STUB1: variants seen among roughly 807,000 people sequenced by gnomAD.
STUB1 encodes the protein STIP1 homology and U-box containing protein 1, also known as E3 ubiquitin-protein ligase CHIP.
STUB1 carries 37 observed loss-of-function variants against 40.3 expected under a neutral mutation model. That is an observed-to-expected ratio of 0.92 (90% CI 0.71 to 1.21). The LOEUF (loss-of-function observed/expected upper bound fraction) is 1.21. Ranked by LOEUF, STUB1 falls within the 50% of genes most tolerant of loss-of-function variation. The pLI, the probability that STUB1 is intolerant of heterozygous loss-of-function variation, is 0.00. For missense variants in STUB1, 460 were observed against 421.9 expected (o/e 1.09, Z -0.79); for synonymous variants, 246 against 171.9 (o/e 1.43, Z -3.37).
At position 682,453 on chromosome 16, in the gene STUB1, A is replaced by T. The variant is rs2039707561; in HGVS notation, c.876A>T (p.Ala292=). Residue 292 remains alanine (A), a synonymous_variant, in exon 7 of 7, where the codon GCA becomes GCT. Coordinates refer to ENST00000219548, the MANE Select transcript of STUB1 (RefSeq NM_005861.4). ...PNLAMKEVID[A]FISENGWVED... is the part of the protein sequence containing the mutation. ...TGGCTATGAAGGAGGTTATTGACGC[A>T]TTCATCTCTGAGAATGGCTGGGTGG... The T allele has an allele frequency of 1.2e-6, 2 of 1,613,368 alleles. No homozygotes were observed. Among genetic ancestry groups the T allele is most frequent in the African/African-American group, 1.3e-5 (1 of 74,928 alleles).
At position 680,600 on chromosome 16, in the gene STUB1, C is replaced by G; in HGVS notation, c.75C>G (p.Ser25Arg). ...GCGGAAGCCCCGAGAAGAGCCCGAG[C>G]GCGCAGGAGCTCAAGGAGCAGGGCA... The part of the protein sequence containing the change: ...AGGGSPEKSP[S>R]AQELKEQGNR... The change falls in exon 1 of 7, where the codon AGC becomes AGG. Residue 25 changes from serine to arginine, a missense_variant. Ser to Arg is a moderately radical substitution (Grantham distance 110). Transcript: ENST00000219548. The surrounding 1 kb of genome is among the most constrained non-coding windows in gnomAD (Gnocchi z 4.9). 1 of 1,407,308 alleles carries G rather than the reference C, an allele frequency of 7.1e-7. No homozygotes were observed. Among genetic ancestry groups the G allele is most frequent in the Non-Finnish European group, 9.3e-7 (1 of 1,070,634 alleles). The allele number at this position is 1,407,308 out of a possible 1,614,324, so 87.2% of individuals were successfully genotyped here. A position where few individuals can be genotyped will look rare whatever the true frequency, so the allele number is the denominator to read the frequency against.
In STUB1 at chr16:680,432, G is replaced by C; in HGVS notation, c.-94G>C. On this transcript the variant is annotated 5_prime_UTR_variant, in exon 1 of 7. Transcript: ENST00000219548. This position sits in a 1 kb window ranked among gnomAD's most constrained non-coding sequence, Gnocchi z 4.9. ...GGCGGAGCTGGGCCGGGCCCGAGCG[G>C]ATCGCGGGCTCGGGCTGCGGGGCTC... The C allele has an allele frequency of 9.1e-7, 1 of 1,096,032 alleles. No homozygotes were observed. The highest frequency in any genetic ancestry group is 1.1e-6 in the Non-Finnish European group (1 of 889,828). The allele number at this position is 1,096,032 out of a possible 1,614,324, so 67.9% of individuals were successfully genotyped here. A position where few individuals can be genotyped will look rare whatever the true frequency, so the allele number is the denominator to read the frequency against.
intron 4 of STUB1, 58 bp from the exon 5 acceptor site, chr16:681,962 C>A (rs776259491): frequency 5.0e-6 from 8 of 1,612,106 alleles, no homozygotes; most frequent in Non-Finnish European, 5.9e-6. Flanking sequence ...TGGGTCTGTG[C>A]CCCATGGAGG....
chr16:682,471 C>CT lies in STUB1; in HGVS notation c.895dup (p.Trp299LeufsTer61), dbSNP rs1567283236. 1 of 1,613,384 alleles carries CT rather than the reference C, an allele frequency of 6.2e-7. No individual in the cohort carries two copies. Among genetic ancestry groups the CT allele is most frequent in the Non-Finnish European group, 8.5e-7 (1 of 1,180,012 alleles). ...TTGACGCATTCATCTCTGAGAATGG[C>CT]TGGGTGGAGGACTACTGAGGTTCCC... On this transcript the variant is annotated frameshift_variant, in exon 7 of 7. Coordinates refer to ENST00000219548, the MANE Select transcript of STUB1 (RefSeq NM_005861.4). LOFTEE classifies it high-confidence loss of function.
At position 682,685 on chromosome 16, in the gene STUB1, G is replaced by A. The variant is rs1463482227; in HGVS notation, c.*196G>A. 1.4e-6 allele frequency: 2 copies of A among 1,435,358 alleles called. No individual in the cohort carries two copies. Among genetic ancestry groups the A allele is most frequent in the Non-Finnish European group, 1.9e-6 (2 of 1,048,104 alleles). The allele number at this position is 1,435,358 out of a possible 1,614,324, so 88.9% of individuals were successfully genotyped here. ...CCCTTTGTGGGCTGGAAAAGCAGGT[G>A]AGGGTGGGCTGGGCTGAGGCCATTG... On this transcript the variant is annotated 3_prime_UTR_variant, in exon 7 of 7. Coordinates refer to ENST00000219548, the MANE Select transcript of STUB1 (RefSeq NM_005861.4).
rs377299643 is a variant in STUB1, at chr16:682,099, C to A, written c.669+23C>A. ...AAGGTGAGTGTGTGTCGCTTGCTGC[C>A]GATGGCTGGCAGGTGCTCGTGCAGT... On this transcript the variant is annotated intron_variant, in intron 5 of 6. Transcript: ENST00000219548. The A allele has an allele frequency of 2.5e-6, 4 of 1,581,718 alleles. No individual in the cohort carries two copies. The South Asian group carries it at 4.6e-5, about 18-fold the overall frequency.
At position 680,476 on chromosome 16, in the gene STUB1, C is replaced by A; in HGVS notation, c.-50C>A. The A allele has an allele frequency of 8.5e-7, 1 of 1,181,236 alleles. No individual in the cohort carries two copies. The highest frequency in any genetic ancestry group is 1.0e-6 in the Non-Finnish European group (1 of 954,276). The allele number at this position is 1,181,236 out of a possible 1,614,324, so 73.2% of individuals were successfully genotyped here. A position where few individuals can be genotyped will look rare whatever the true frequency, so the allele number is the denominator to read the frequency against. On this transcript the variant is annotated 5_prime_UTR_variant, in exon 1 of 7. Transcript: ENST00000219548. This position sits in a 1 kb window ranked among gnomAD's most constrained non-coding sequence, Gnocchi z 4.9. ...GGGGCTCCGGCTGCGGGCGCTGGGC[C>A]GCGAGGCGCGGAGCTTGGGAGCGGA...
Position 681,617 on chromosome 16 carries a change from C to T in STUB1, c.524+14C>T, listed in dbSNP as rs189830475. On this transcript the variant is annotated intron_variant, in intron 3 of 6. Coordinates refer to ENST00000219548, the MANE Select transcript of STUB1 (RefSeq NM_005861.4). ...GGAGCGTGAGAGGTGGGACCCTCAC[C>T]CCAGGCCGCCCTGTCTTGGGATAAT... The T allele has an allele frequency of 1.5e-4, 232 of 1,597,848 alleles. 2 individuals carry two copies. In the East Asian group the frequency reaches 5.0e-3, roughly 35 times the overall value.
chr16:680,644 G>T lies in STUB1; in HGVS notation c.119G>T (p.Arg40Leu). 1 of 1,339,802 alleles carries T rather than the reference G, an allele frequency of 7.5e-7. No homozygotes were observed. Among genetic ancestry groups the T allele is most frequent in the Non-Finnish European group, 9.7e-7 (1 of 1,035,370 alleles). The allele number at this position is 1,339,802 out of a possible 1,614,324, so 83.0% of individuals were successfully genotyped here. A position where few individuals can be genotyped will look rare whatever the true frequency, so the allele number is the denominator to read the frequency against. ...KEQGNRLFVG[R>L]KYPEAAACYG... is the part of the protein sequence containing the mutation. ...CAGGGCAATCGTCTGTTCGTGGGCC[G>T]AAAGTACCCGGAGGCGGCGGCCTGC... Residue 40 changes from arginine (R) to leucine (L), a missense_variant, in exon 1 of 7, where the codon CGA (arginine) becomes CTA (leucine). By Grantham distance (102) the Arg-to-Leu change is moderately radical (BLOSUM62 -2). Coordinates refer to ENST00000219548, the MANE Select transcript of STUB1 (RefSeq NM_005861.4). The surrounding 1 kb of genome is among the most constrained non-coding windows in gnomAD (Gnocchi z 4.9).
Position 682,529 on chromosome 16 carries a change from C to T in STUB1, c.*40C>T, listed in dbSNP as rs535240339. On this transcript the variant is annotated 3_prime_UTR_variant, in exon 7 of 7. Transcript: ENST00000219548. The stretch of plus-strand genomic sequence containing the variant: ...CCTGGCGTCCTGGTCCAGGGGAGCC[C>T]TGGGCAGAAGCCCCCGGCCCCTATA... 7 of 1,611,232 alleles carry T rather than the reference C, an allele frequency of 4.3e-6. No homozygotes were observed. The highest frequency in any genetic ancestry group is 3.3e-5 in the Admixed American group (2 of 59,970).
rs1365382765 is a variant in STUB1, at chr16:682,556, A to G, written c.*67A>G. On this transcript the variant is annotated 3_prime_UTR_variant, in exon 7 of 7. Transcript: ENST00000219548. ...GGGCAGAAGCCCCCGGCCCCTATAC[A>G]TAGTTTATGTTCCTGGCCACCCCGA... 6.3e-6 allele frequency: 10 copies of G among 1,599,322 alleles called. No individual in the cohort carries two copies. Among genetic ancestry groups the G allele is most frequent in the South Asian group, 2.2e-5 (2 of 90,012 alleles).
chr16:682,028 C>T lies in STUB1; in HGVS notation c.621C>T (p.Tyr207=), dbSNP rs1283784654. ...QACIEAKHDK[Y]MADMDELFSQ... is the part of the protein sequence containing the mutation. ...CACTCAACTCTTCACAGGACAAGTA[C>T]ATGGCGGACATGGACGAGCTTTTTT... The change falls in exon 5 of 7, where the codon TAC becomes TAT. Residue 207 remains tyrosine, a synonymous_variant. Transcript: ENST00000219548. 4 of 1,595,318 alleles carry T rather than the reference C, an allele frequency of 2.5e-6. No individual in the cohort carries two copies. In the African/African-American group the frequency reaches 5.4e-5, roughly 21 times the overall value.
chr16:682,528 C>A lies in STUB1; in HGVS notation c.*39C>A. 1.2e-6 allele frequency: 2 copies of A among 1,611,498 alleles called. No individual in the cohort carries two copies. Among genetic ancestry groups the A allele is most frequent in the Non-Finnish European group, 1.7e-6 (2 of 1,179,140 alleles). Reference sequence around the variant, plus strand: ...ACCTGGCGTCCTGGTCCAGGGGAGCCCTGGGCAGAAGCCCCCGGCCCCTAT... The same window carrying A: ...ACCTGGCGTCCTGGTCCAGGGGAGCACTGGGCAGAAGCCCCCGGCCCCTAT... On this transcript the variant is annotated 3_prime_UTR_variant, in exon 7 of 7. Coordinates refer to ENST00000219548, the MANE Select transcript of STUB1 (RefSeq NM_005861.4).
intron 1 of STUB1, 39 bp from the exon 2 acceptor site, chr16:681,113 C>G: frequency 1.3e-6 from 2 of 1,532,180 alleles, no homozygotes; most frequent in Non-Finnish European, 1.8e-6. Context: ...GCACGCTGAG[C>G]CTACGCCCTC....
chr16:682,227 C>T lies in STUB1; in HGVS notation c.732C>T (p.Cys244=), dbSNP rs1426759977. The T allele has an allele frequency of 4.3e-6, 7 of 1,613,054 alleles. No homozygotes were observed. Among genetic ancestry groups the T allele is most frequent in the Admixed American group, 3.3e-5 (2 of 60,028 alleles). The change falls in exon 6 of 7, where the codon TGC becomes TGT. Residue 244 remains cysteine (C), a synonymous_variant. Transcript: ENST00000219548. ...KISFELMREP[C]ITPSGITYDR... ...GCTTTGAGCTGATGCGGGAGCCGTGCATCACGCCCAGTGGCATCACCTACG... is the reference window on the plus strand; with the variant it reads ...GCTTTGAGCTGATGCGGGAGCCGTGTATCACGCCCAGTGGCATCACCTACG...
chr16:681,097 G>C (rs2039642941), intron 1 of STUB1, 55 bp from the exon 2 acceptor site: 2 of 1,508,850 alleles, frequency 1.3e-6, no homozygotes, highest in Admixed American at 2.0e-5. Flanking sequence ...CCGTGGGTCA[G>C]AGTGGGCACG....
chr16:681,300 G>C lies in STUB1; in HGVS notation c.308G>C (p.Cys103Ser). Reference sequence around the variant, plus strand: ...AAGGCGCACTTCTTCCTGGGGCAGTGCCAGCTGGAGATGGAGAGCTATGAT... The same window carrying C: ...AAGGCGCACTTCTTCCTGGGGCAGTCCCAGCTGGAGATGGAGAGCTATGAT... Reference protein sequence around the residue: ...SVKAHFFLGQCQLEMESYDEA... With the variant: ...SVKAHFFLGQSQLEMESYDEA... Residue 103 changes from cysteine to serine, a missense_variant, in exon 2 of 7, where the codon TGC becomes TCC. Coordinates refer to ENST00000219548, the MANE Select transcript of STUB1 (RefSeq NM_005861.4). The C allele has an allele frequency of 6.2e-7, 1 of 1,612,924 alleles. No homozygotes were observed. Among genetic ancestry groups the C allele is most frequent in the Non-Finnish European group, 8.5e-7 (1 of 1,179,996 alleles).
chr16:682,311 A>G (rs2039699534), intron 6 of STUB1, 30 bp downstream of exon 6: 1 of 1,612,732 alleles, frequency 6.2e-7, no homozygotes, highest in South Asian at 1.1e-5. Flanking sequence ...GAGCAGGGCC[A>G]GTGGCATGGT....
chr16:680,803 C>A lies in STUB1; in HGVS notation c.159+119C>A. ...CGGGGCGTGTCCTCGGCTCCCAAAG[C>A]CCAGCCGTGGTTCTCGAGCCCAGCG... is the stretch of plus-strand genomic sequence containing the variant. On this transcript the variant is annotated intron_variant, in intron 1 of 6. Coordinates refer to ENST00000219548, the MANE Select transcript of STUB1 (RefSeq NM_005861.4). The surrounding 1 kb of genome is among the most constrained non-coding windows in gnomAD (Gnocchi z 4.9). 1 of 1,007,034 alleles carries A rather than the reference C, an allele frequency of 9.9e-7. No homozygotes were observed. The highest frequency in any genetic ancestry group is 1.3e-6 in the Non-Finnish European group (1 of 790,628). The allele number at this position is 1,007,034 out of a possible 1,614,324, so 62.4% of individuals were successfully genotyped here. A position where few individuals can be genotyped will look rare whatever the true frequency, so the allele number is the denominator to read the frequency against.
Sources: gnomAD v4.1 joint callset for allele counts on GRCh38, gnomAD v4.1.1 for gene constraint, Gnocchi (gnomAD v3.1) non-coding constraint, MANE v1.5 for transcripts, NCBI Gene and HGNC (gene_info 2026-07-23, HGNC 2026-07-21) for gene names.